Variants in SERPINA3 observed in about 807,000 individuals in gnomAD.
The protein encoded by SERPINA3 is serpin family A member 3, also known as alpha-1-antichymotrypsin.
SERPINA3 carries 32 observed loss-of-function variants against 26.8 expected under a neutral mutation model. The observed-to-expected ratio is 1.20, with a 90% CI of 0.90 to 1.61. The LOEUF (loss-of-function observed/expected upper bound fraction) is 1.61, where lower values mean the gene tolerates loss of function less well. Ranked by LOEUF, SERPINA3 falls within the 40% of genes most tolerant of loss-of-function variation. SERPINA3 has a pLI of 0.00. For synonymous variants in SERPINA3, 252 were observed against 206.4 expected, an observed-to-expected ratio of 1.22 and a Z score of -1.89; for missense variants, 632 against 517.9, an observed-to-expected ratio of 1.22 and a Z score of -2.14.
At chr14:94,615,361 G>C (rs571061114) in intron 2 of SERPINA3, among the ~76,000 whole-genome samples, 1 of 152,344 alleles carries the variant, frequency 6.6e-6, no homozygotes, top group Middle Eastern at 3.4e-3. Flanking sequence ...AAACTTGTCC[G>C]GCAAACAGAA....
chr14:94,621,916 T>A (rs991301692), intron 3 of SERPINA3, among the ~76,000 whole-genome samples: 1 of 152,178 alleles, frequency 6.6e-6, no homozygotes, highest in African/African-American at 2.4e-5. Context: ...TTTCCTGCCT[T>A]TGGGACTCAG....
chr14:94,615,551 G>A, intron 2 of SERPINA3: 1 of 425,924 alleles, frequency 2.3e-6, no homozygotes, highest in Non-Finnish European at 4.7e-6. Flanking sequence ...AGGTGGCCAG[G>A]TGGGGCTGGG....
Position 94,623,772 on chromosome 14 carries a change from C to T in SERPINA3, c.1230C>T (p.Asn410=). Residue 410 remains asparagine, a synonymous_variant, in exon 5 of 5, where the codon AAC becomes AAT. Coordinates refer to ENST00000393078, the MANE Select transcript of SERPINA3 (RefSeq NM_001085.5). ...TCATTGTCCCTACAGACACCCAGAACATCTTCTTCATGAGCAAAGTCACCA... is the reference window on the plus strand; with the variant it reads ...TCATTGTCCCTACAGACACCCAGAATATCTTCTTCATGAGCAAAGTCACCA... ...LMIIVPTDTQ[N]IFFMSKVTNP... The T allele has an allele frequency of 6.2e-7, 1 of 1,614,146 alleles. No homozygotes were observed. Among genetic ancestry groups the T allele is most frequent in the Non-Finnish European group, 8.5e-7 (1 of 1,180,018 alleles).
At position 94,614,505 on chromosome 14, in the gene SERPINA3, C is replaced by T; in HGVS notation, c.64C>T (p.Leu22Phe). ...GGCGGCTGGGTTCTGCCCTGCTGTC[C>T]TCTGCCACCCTAACAGCCCACTTGA... is the stretch of plus-strand genomic sequence containing the variant. The part of the protein sequence containing the change: ...LLAAGFCPAV[L>F]CHPNSPLDEE... Residue 22 changes from leucine to phenylalanine, a missense_variant, in exon 2 of 5, where the codon CTC (leucine) becomes TTC (phenylalanine). By Grantham distance (22) the Leu-to-Phe change is conservative. Transcript: ENST00000393078. The T allele has an allele frequency of 1.2e-6, 2 of 1,614,000 alleles. No individual in the cohort carries two copies. The highest frequency in any genetic ancestry group is 1.7e-6 in the Non-Finnish European group (2 of 1,179,900).
At chr14:94,615,255 G>T (rs1291029107) in intron 2 of SERPINA3, among the ~76,000 whole-genome samples, 171 bp downstream of exon 2, 1 of 152,234 alleles carries the variant, frequency 6.6e-6, no homozygotes, top group Non-Finnish European at 1.5e-5. Flanking sequence ...TCTCCTGTGG[G>T]GTTTTTCCAA....
intron 1 of SERPINA3, chr14:94,614,184 C>T (rs772471310): frequency 9.5e-6 from 5 of 527,142 alleles, no homozygotes; most frequent in Non-Finnish European, 1.7e-5. Context: ...CTTGGGCAAG[C>T]CCCCTCACCG....
intron 2 of SERPINA3, among the ~76,000 whole-genome samples, chr14:94,616,899 G>A (rs114963935): frequency 1.4e-3 from 212 of 152,242 alleles, no homozygotes; most frequent in African/African-American, 5.0e-3. Flanking sequence ...TTGGTGGCTG[G>A]CAGACAGAAA....
intron 4 of SERPINA3, 183 bp downstream of exon 4, chr14:94,622,674 G>T (rs549612438): frequency 5.8e-6 from 4 of 685,112 alleles, no homozygotes; most frequent in African/African-American, 1.8e-5. Context: ...TCCTCCTGCC[G>T]TGTTAGGGGT....
At chr14:94,615,194 CA>C in intron 2 of SERPINA3, 110 bp downstream of exon 2, 10 of 1,199,274 alleles carry the variant, frequency 8.3e-6, no homozygotes, top group Non-Finnish European at 1.2e-5. Context: ...GTGCCCACAG[CA>C]TGGGGGCAGC....
At chr14:94,620,982 A>G (rs742896) in intron 3 of SERPINA3, among the ~76,000 whole-genome samples, 5,973 of 152,152 alleles carry the variant, frequency 0.039, 154 homozygotes, top group African/African-American at 0.07. Context: ...TCCTTTCCCC[A>G]CCACCCCTGT....
intron 2 of SERPINA3, 147 bp downstream of exon 2, chr14:94,615,231 C>G (rs892756585): frequency 8.9e-6 from 8 of 899,310 alleles, no homozygotes; most frequent in Non-Finnish European, 1.4e-5. Flanking sequence ...CCACCCTGCC[C>G]ATAGGCATCG....
intron 3 of SERPINA3, chr14:94,619,809 CTG>C: frequency 2.5e-6 from 1 of 398,290 alleles, no homozygotes; most frequent in South Asian, 2.5e-5. Context: ...CAGTTGAGGG[CTG>C]CAGTGAGATG....
In SERPINA3 at chr14:94,614,457, C is replaced by A; in HGVS notation, c.16C>A (p.Pro6Thr). The A allele has an allele frequency of 2.5e-6, 4 of 1,613,982 alleles. No individual in the cohort carries two copies. The highest frequency in any genetic ancestry group is 3.4e-6 in the Non-Finnish European group (4 of 1,180,006). MERML[P>T]LLALGLLAAG... ...AGAGTTGAGAATGGAGAGAATGTTACCTCTCCTGGCTCTGGGGCTCTTGGC... is the reference window on the plus strand; with the variant it reads ...AGAGTTGAGAATGGAGAGAATGTTAACTCTCCTGGCTCTGGGGCTCTTGGC... Residue 6 changes from proline (P) to threonine (T), a missense_variant, in exon 2 of 5, where the codon CCT (proline) becomes ACT (threonine). Coordinates refer to ENST00000393078, the MANE Select transcript of SERPINA3 (RefSeq NM_001085.5).
chr14:94,619,851 A>G (rs528282314), intron 3 of SERPINA3: 1 of 296,462 alleles, frequency 3.4e-6, no homozygotes, highest in Non-Finnish European at 6.4e-6. Context: ...GCACTGGTGA[A>G]CCACTGTATT....
In SERPINA3 at chr14:94,623,844, T is replaced by C; in HGVS notation, c.*30T>C. 1.2e-6 allele frequency: 2 copies of C among 1,600,318 alleles called. No individual in the cohort carries two copies. The highest frequency in any genetic ancestry group is 4.5e-5 in the East Asian group (2 of 44,780). ...TGCCATCAAGCAGTGGGGCTCTCAG[T>C]AAGGAACTTGGAATGCAAGCTGGAT... is the stretch of plus-strand genomic sequence containing the variant. On this transcript the variant is annotated 3_prime_UTR_variant, in exon 5 of 5. Transcript: ENST00000393078.
chr14:94,619,603 C>A, intron 3 of SERPINA3, 135 bp downstream of exon 3: 1 of 1,092,472 alleles, frequency 9.2e-7, no homozygotes, highest in Non-Finnish European at 1.4e-6. Context: ...CCCTATGCTG[C>A]CTACATGGCT....
chr14:94,613,717 T>C (rs934167310), intron 1 of SERPINA3: 1 of 152,340 alleles, frequency 6.6e-6, no homozygotes, highest in Admixed American at 6.5e-5. Flanking sequence ...AGGCTTATGG[T>C]GGACACAGAC....
chr14:94,617,260 T>C (rs969275412), intron 2 of SERPINA3, among the ~76,000 whole-genome samples: 7 of 152,140 alleles, frequency 4.6e-5, no homozygotes, highest in African/African-American at 1.7e-4. Context: ...ATCTTTACAA[T>C]TACATTTGTC....
chr14:94,623,321 A>G (rs578158375), intron 4 of SERPINA3, among the ~76,000 whole-genome samples: 1 of 152,160 alleles, frequency 6.6e-6, no homozygotes, highest in East Asian at 1.9e-4. Flanking sequence ...TGGGGGCAAA[A>G]TAGACTCTCA....
Sources: allele counts gnomAD v4.1 joint callset (sites outside exome capture counted in the v4.1 genomes callset), GRCh38; gene constraint gnomAD v4.1.1; transcripts MANE v1.5; gene names NCBI Gene and HGNC (gene_info 2026-07-23, HGNC 2026-07-21).